Variants in TTC23 observed in about 807,000 individuals in gnomAD.
TTC23 encodes the protein tetratricopeptide repeat protein 23.
A neutral mutation model predicts 55.1 loss-of-function variants in TTC23; 58 were observed. The ratio of observed to expected loss-of-function variants is 1.05; its 90% CI spans 0.85 to 1.31. TTC23 has a LOEUF of 1.31. Among genes scored for constraint, TTC23 ranks in the 50% most tolerant of loss-of-function variants. TTC23 has a pLI of 0.00. For synonymous variants in TTC23, 203 were observed against 199.9 expected (o/e 1.02, Z -0.13); for missense variants, 516 against 534.4 (o/e 0.97, Z 0.34).
Position 99,138,002 on chromosome 15 carries a change from TG to T in TTC23, c.*7del. On this transcript the variant is annotated 3_prime_UTR_variant, in exon 14 of 14. Transcript: ENST00000394132. The stretch of plus-strand genomic sequence containing the variant: ...AGGAATGTCCTAGGCTTTTTCAGGG[TG>T]GGGGCCTCAGTCTGCTGTTGTGCCG... The T allele has an allele frequency of 6.2e-7, 1 of 1,613,956 alleles. No individual in the cohort carries two copies. The highest frequency in any genetic ancestry group is 8.5e-7 in the Non-Finnish European group (1 of 1,179,976).
At position 99,139,138 on chromosome 15, in the gene TTC23, T is replaced by C. The variant is rs973536697; in HGVS notation, c.1226+179A>G. 13 of 769,708 alleles carry C rather than the reference T, an allele frequency of 1.7e-5. No individual in the cohort carries two copies. In the South Asian group the frequency reaches 1.8e-4, roughly 11 times the overall value. 47.7% of individuals were successfully genotyped at this position (769,708 alleles called of 1,614,324 possible). A position where few individuals can be genotyped will look rare whatever the true frequency, so the allele number is the denominator to read the frequency against. ...AAAGGATGAATTATTTTTAAATACCTGGGCAAGGAAGATCTTTTACAACTC... is the reference window on the plus strand; with the variant it reads ...AAAGGATGAATTATTTTTAAATACCCGGGCAAGGAAGATCTTTTACAACTC... On this transcript the variant is annotated intron_variant, in intron 13 of 13. Coordinates refer to ENST00000394132, the MANE Select transcript of TTC23 (RefSeq NM_001288615.3).
At chr15:99,155,552 T>C (rs1386782899) in intron 12 of TTC23, 2 of 152,286 alleles carry the variant, frequency 1.3e-5, no homozygotes, top group African/African-American at 4.8e-5. Context: ...AATCATTCTA[T>C]AAAATCTCTG....
Position 99,169,788 on chromosome 15 carries a change from C to T in TTC23, c.865+5262G>A, listed in dbSNP as rs544144657. Among the ~76,000 whole-genome samples, 5 of 152,310 alleles carry T rather than the reference C, an allele frequency of 3.3e-5. No individual in the cohort carries two copies. In the East Asian group the frequency reaches 7.7e-4, roughly 24 times the overall value. On this transcript the variant is annotated intron_variant, in intron 10 of 13. Coordinates refer to ENST00000394132, the MANE Select transcript of TTC23 (RefSeq NM_001288615.3). Reference sequence around the variant, plus strand: ...GACCAGTGGGGGCGGGGGAGATATACATATTCGTGCATAGGAAATTTTATC... The same window carrying T: ...GACCAGTGGGGGCGGGGGAGATATATATATTCGTGCATAGGAAATTTTATC...
At chr15:99,225,515 G>C (rs2078325137) in intron 5 of TTC23, among the ~76,000 whole-genome samples, 1 of 152,140 alleles carries the variant, frequency 6.6e-6, no homozygotes, top group Admixed American at 6.6e-5. Context: ...AGCTGGAAGG[G>C]TCTCTCACTG....
intron 12 of TTC23, among the ~76,000 whole-genome samples, chr15:99,152,129 G>A (rs930714514): frequency 1.3e-5 from 2 of 152,186 alleles, no homozygotes; most frequent in Non-Finnish European, 2.9e-5. Flanking sequence ...CCTCACGATA[G>A]TGAGTGAGTT....
intron 8 of TTC23, among the ~76,000 whole-genome samples, chr15:99,217,787 G>C (rs942889467): frequency 2.0e-5 from 3 of 152,222 alleles, no homozygotes; most frequent in Admixed American, 6.5e-5. Context: ...AGCATTAGGT[G>C]TGTTCTCCTG....
rs868443601 is a variant in TTC23, at chr15:99,194,108, T to C, written c.759+5811A>G. On this transcript the variant is annotated intron_variant, in intron 9 of 13. Transcript: ENST00000394132. The stretch of plus-strand genomic sequence containing the variant: ...TTGAGGATAGATCTGGATTTAGTCA[T>C]GAAAAATTTAGAGAACAACTTTTAG... Among the ~76,000 whole-genome samples the C allele has an allele frequency of 7.9e-5, 12 of 152,254 alleles. No individual in the cohort carries two copies. In the Middle Eastern group the frequency reaches 0.014, roughly 173 times the overall value.
chr15:99,171,099 A>G (rs1318694961), intron 10 of TTC23, among the ~76,000 whole-genome samples: 1 of 152,242 alleles, frequency 6.6e-6, no homozygotes, highest in Non-Finnish European at 1.5e-5. Flanking sequence ...CCAGGACTTC[A>G]CGGTGCTGCA....
intron 8 of TTC23, among the ~76,000 whole-genome samples, chr15:99,203,210 A>G (rs900915338): frequency 2.6e-5 from 4 of 152,218 alleles, no homozygotes; most frequent in African/African-American, 7.2e-5. Context: ...AATGTATTAT[A>G]AGAATACATA....
rs115182551 is a variant in TTC23, at chr15:99,230,519, G to A, written c.-20-1787C>T. 1.0e-3 allele frequency among the ~76,000 whole-genome samples: 156 copies of A among 152,034 alleles called. 3 individuals are homozygous for A. The highest frequency in any genetic ancestry group is 3.1e-3 in the African/African-American group (129 of 41,506). On this transcript the variant is annotated intron_variant, in intron 4 of 13. Transcript: ENST00000394132. ...CCAAGAAGCTCAATGAACACTAAACGCAAGAAACATGAAGAAAACTATACC... is the reference window on the plus strand; with the variant it reads ...CCAAGAAGCTCAATGAACACTAAACACAAGAAACATGAAGAAAACTATACC...
intron 1 of TTC23, chr15:99,248,287 T>C (rs545633545): frequency 6.6e-6 from 1 of 152,342 alleles, no homozygotes; most frequent in South Asian, 2.1e-4. Flanking sequence ...TGTCTTCAAA[T>C]ATTACTTTCA....
rs148955126 is a variant in TTC23 at position 99,232,200 on chromosome 15, C to T, written c.-21+2788G>A. Among the ~76,000 whole-genome samples the T allele has an allele frequency of 5.9e-5, 9 of 151,432 alleles. No individual in the cohort carries two copies. In the South Asian group the frequency reaches 1.3e-3, roughly 21 times the overall value. On this transcript the variant is annotated intron_variant, in intron 4 of 13. Coordinates refer to ENST00000394132, the MANE Select transcript of TTC23 (RefSeq NM_001288615.3). ...AGGATATAAAGAAAGAAAAATTTGG[C>T]GGGGCGCGGTGGCTCACACCTGTAA...
chr15:99,147,436 A>G (rs2069072739), intron 12 of TTC23, among the ~76,000 whole-genome samples: 3 of 151,630 alleles, frequency 2.0e-5, no homozygotes, highest in African/African-American at 7.3e-5. Flanking sequence ...TTTGTTAGCC[A>G]GGATGGTCTC....
intron 10 of TTC23, among the ~76,000 whole-genome samples, chr15:99,173,325 T>A (rs550859012): frequency 6.6e-6 from 1 of 152,240 alleles, no homozygotes; most frequent in Non-Finnish European, 1.5e-5. Context: ...CTGTGGTGGC[T>A]CATGCCTGTT....
At chr15:99,200,272 C>T (rs1406379003) in intron 8 of TTC23, among the ~76,000 whole-genome samples, 176 bp from the exon 9 acceptor site, 1 of 152,112 alleles carries the variant, frequency 6.6e-6, no homozygotes, top group Admixed American at 6.6e-5. Context: ...AAGATGGGTT[C>T]TGGAATCACC....
chr15:99,200,555 G>C (rs888063439), intron 8 of TTC23, among the ~76,000 whole-genome samples: 6 of 152,204 alleles, frequency 3.9e-5, no homozygotes, highest in African/African-American at 1.4e-4. Flanking sequence ...TAACTGATCT[G>C]TTGAGAAATT....
intron 9 of TTC23, among the ~76,000 whole-genome samples, chr15:99,193,065 C>T (rs2075376670): frequency 6.6e-6 from 1 of 152,198 alleles, no homozygotes; most frequent in African/African-American, 2.4e-5. Flanking sequence ...AATGGCTGCA[C>T]TTACCTAATA....
intron 9 of TTC23, among the ~76,000 whole-genome samples, chr15:99,197,774 C>G (rs942731768): frequency 6.6e-6 from 1 of 151,826 alleles, no homozygotes; most frequent in Non-Finnish European, 1.5e-5. Context: ...GGCATGGTGG[C>G]GGGCGCCTGT....
At chr15:99,177,505 T>C (rs1250995227) in intron 9 of TTC23, among the ~76,000 whole-genome samples, 2 of 152,140 alleles carry the variant, frequency 1.3e-5, no homozygotes, top group Admixed American at 6.5e-5. Flanking sequence ...TGTGTAGTGT[T>C]TGGAGAAAGG....
Sources: gnomAD v4.1 joint callset for allele counts (sites outside exome capture counted in the v4.1 genomes callset) on GRCh38, gnomAD v4.1.1 for gene constraint, MANE v1.5 for transcripts, NCBI Gene and HGNC (gene_info 2026-07-23, HGNC 2026-07-21) for gene names.